The following FRMPD3 variants were observed in gnomAD, a reference collection of about 807,000 sequenced individuals.
FRMPD3 encodes FERM and PDZ domain-containing protein 3.
Under a neutral mutation model 97.9 loss-of-function variants are expected in FRMPD3, and 42 were observed. That is an observed-to-expected ratio of 0.43 (90% CI 0.34 to 0.55). The LOEUF is 0.55. Among genes scored for constraint, FRMPD3 ranks in the 20% least tolerant of loss-of-function variants. FRMPD3 has a pLI of 0.03. For synonymous variants in FRMPD3, 577 were observed against 581.1 expected (o/e 0.99, Z 0.10); for missense variants, 1,303 against 1,457.7 (o/e 0.89, Z 1.73).
intron 1 of FRMPD3, among the ~76,000 whole-genome samples, chrX:107,498,341 G>T (rs984584726): frequency 2.7e-5 from 3 of 112,284 alleles, no homozygotes; most frequent in Non-Finnish European, 5.6e-5. Flanking sequence ...AAGCAGGGCT[G>T]AGGGGCTTCC....
At chrX:107,578,305 C>A (rs1253130596) in intron 13 of FRMPD3, among the ~76,000 whole-genome samples, 1 of 111,809 alleles carries the variant, frequency 8.9e-6, no homozygotes, top group Non-Finnish European at 1.9e-5. Flanking sequence ...CCCATCAGCA[C>A]CCTAGCCAAT....
chrX:107,529,086 T>G (rs958535481), intron 2 of FRMPD3, among the ~76,000 whole-genome samples: 1 of 112,696 alleles, frequency 8.9e-6, no homozygotes, highest in Non-Finnish European at 1.9e-5. Context: ...TACTGGGTAA[T>G]GTCAGTGAAC....
At chrX:107,587,589 G>T (rs1345197436) in intron 13 of FRMPD3, among the ~76,000 whole-genome samples, 1 of 111,439 alleles carries the variant, frequency 9.0e-6, no homozygotes, top group African/African-American at 3.3e-5. Context: ...GGCTGGTACC[G>T]GTTTTTCCTT....
chrX:107,459,895 A>T (rs1236261682), intron 1 of FRMPD3, among the ~76,000 whole-genome samples: 1 of 104,288 alleles, frequency 9.6e-6, no homozygotes, highest in Non-Finnish European at 1.9e-5. Context: ...ACACACACAC[A>T]CACACACACA....
intron 1 of FRMPD3, among the ~76,000 whole-genome samples, chrX:107,479,865 CAG>C (rs1215666846): frequency 0.094 from 5,433 of 57,741 alleles, 196 homozygotes; most frequent in African/African-American, 0.19. Flanking sequence ...CACACACACA[CAG>C]AGAGAGAGAG....
At position 107,604,783 on chromosome X, in the gene FRMPD3, A is replaced by T. The variant is rs1924755114; in HGVS notation, c.*1410A>T. On this transcript the variant is annotated 3_prime_UTR_variant, in exon 15 of 15. Coordinates refer to ENST00000683843, the MANE Select transcript of FRMPD3 (RefSeq NM_001388459.1). ...TCACTGTGTCAGAGGCCCATGTGAA[A>T]TCTTTCATTCTGATGTGAGTTTTAT... 9.0e-6 allele frequency: 1 copy of T among 110,980 alleles called. No individual in the cohort carries two copies. 9.1% of individuals were successfully genotyped at this position (110,980 alleles called of 1,213,427 possible). A position where few individuals can be genotyped will look rare whatever the true frequency, so the allele number is the denominator to read the frequency against.
intron 1 of FRMPD3, among the ~76,000 whole-genome samples, chrX:107,523,897 G>GA (rs1373334015): frequency 8.9e-6 from 1 of 111,918 alleles, no homozygotes; most frequent in Non-Finnish European, 1.9e-5. Context: ...TTCAAAAAAG[G>GA]AAAAAAGGGC....
intron 1 of FRMPD3, among the ~76,000 whole-genome samples, chrX:107,493,177 CAAAAAA>C (rs60695168): frequency 1.9e-5 from 1 of 51,720 alleles, no homozygotes; most frequent in African/African-American, 8.4e-5. Flanking sequence ...GAGACCCTGT[CAAAAAA>C]AAAAAAAAAA....
At chrX:107,596,517 G>A (rs761386176) in intron 13 of FRMPD3, among the ~76,000 whole-genome samples, 44 of 112,308 alleles carry the variant, frequency 3.9e-4, no homozygotes, top group African/African-American at 1.1e-3. Context: ...ATTTGCTATA[G>A]ATAATTCTCA....
At chrX:107,566,245 C>G (rs1922598540) in intron 12 of FRMPD3, among the ~76,000 whole-genome samples, 1 of 112,965 alleles carries the variant, frequency 8.9e-6, no homozygotes, top group East Asian at 2.8e-4. Flanking sequence ...AACGATTTCC[C>G]AGGGGGAGAT....
intron 1 of FRMPD3, among the ~76,000 whole-genome samples, chrX:107,526,379 G>A (rs745893893): frequency 1.8e-5 from 2 of 111,766 alleles, no homozygotes; most frequent in South Asian, 7.6e-4. Context: ...CCTGAAGACA[G>A]TAGCTTCTAC....
At position 107,560,755 on chromosome X, in the gene FRMPD3, C is replaced by T. The variant is rs1193246029; in HGVS notation, c.928C>T (p.Pro310Ser). The T allele has an allele frequency of 3.4e-6, 4 of 1,167,742 alleles. No homozygotes were observed. Among genetic ancestry groups the T allele is most frequent in the Middle Eastern group, 2.3e-4 (1 of 4,302 alleles). The change falls in exon 10 of 15, where the codon CCC becomes TCC. Residue 310 changes from proline (P) to serine (S), a missense_variant. Pro to Ser is a moderately conservative substitution (Grantham distance 74). Coordinates refer to ENST00000683843, the MANE Select transcript of FRMPD3 (RefSeq NM_001388459.1). ...GGAGTGGGGCCTGGAACCCTTTCTT[C>T]CCCCCTCCCTCCTGCAGGTCATCAA... ...EKEWGLEPFLPPSLLQVIKEK... is the reference protein window; with the variant it reads ...EKEWGLEPFLSPSLLQVIKEK...
intron 1 of FRMPD3, among the ~76,000 whole-genome samples, chrX:107,452,184 C>T (rs1384148807): frequency 9.0e-6 from 1 of 111,607 alleles, no homozygotes; most frequent in East Asian, 2.8e-4. Flanking sequence ...TTGTGGACAA[C>T]CTCATCTGTC....
rs747367875 is a variant in FRMPD3, at chrX:107,603,208, A to ACAG, written c.5181_5183dup (p.Gln1743dup). On this transcript the variant is annotated inframe_insertion, in exon 15 of 15. Coordinates refer to ENST00000683843, the MANE Select transcript of FRMPD3 (RefSeq NM_001388459.1). ...TTAACCAGCAGCAGCAGCAACAACAACAGCAGCAGCAGCAACAACAACAGC... is the reference window on the plus strand; with the variant it reads ...TTAACCAGCAGCAGCAGCAACAACAACAGCAGCAGCAGCAGCAACAACAACAGC... The ACAG allele has an allele frequency of 8.6e-6, 10 of 1,168,558 alleles. No individual in the cohort carries two copies. The East Asian group carries it at 9.7e-5, about 11-fold the overall frequency.
At chrX:107,461,721 T>C (rs1269458097) in intron 1 of FRMPD3, among the ~76,000 whole-genome samples, 2 of 110,004 alleles carry the variant, frequency 1.8e-5, no homozygotes, top group African/African-American at 6.6e-5. Flanking sequence ...CTCCTCCTGG[T>C]ATATGAGGCC....
intron 1 of FRMPD3, among the ~76,000 whole-genome samples, chrX:107,474,803 T>G (rs1921156296): frequency 9.1e-6 from 1 of 110,457 alleles, no homozygotes; most frequent in Non-Finnish European, 1.9e-5. Flanking sequence ...AATATGAGTT[T>G]GAAGAAAATG....
At chrX:107,600,252 A>T in intron 14 of FRMPD3, 51 bp from the exon 15 acceptor site, 1 of 1,133,492 alleles carries the variant, frequency 8.8e-7, no homozygotes, top group Non-Finnish European at 1.2e-6. Context: ...GTAGAGCTGG[A>T]AAAGAACTTG....
In FRMPD3 at chrX:107,604,282, G is replaced by T. The variant is rs1238868722; in HGVS notation, c.*909G>T. 1.2e-5 allele frequency: 1 copy of T among 80,426 alleles called. No individual in the cohort carries two copies. The highest frequency in any genetic ancestry group is 2.4e-5 in the Non-Finnish European group (1 of 41,333). 6.6% of individuals were successfully genotyped at this position (80,426 alleles called of 1,213,427 possible). A position where few individuals can be genotyped will look rare whatever the true frequency, so the allele number is the denominator to read the frequency against. On this transcript the variant is annotated 3_prime_UTR_variant, in exon 15 of 15. Transcript: ENST00000683843. ...TTGACTTAGCTGTGGATCGGGGAGG[G>T]GGGTGGGGGGAGGGGGGAAAGGGGT...
chrX:107,591,972 G>C (rs1369827343), intron 13 of FRMPD3, among the ~76,000 whole-genome samples: 5 of 111,364 alleles, frequency 4.5e-5, no homozygotes, highest in Non-Finnish European at 9.4e-5. Flanking sequence ...GGGAACAGGT[G>C]GTGTTTGGTT....
Sources: gnomAD v4.1 joint callset for allele counts (sites outside exome capture counted in the v4.1 genomes callset) on GRCh38, gnomAD v4.1.1 for gene constraint, MANE v1.5 for transcripts, NCBI Gene and HGNC (gene_info 2026-07-23, HGNC 2026-07-21) for gene names.